The following BICC1 variants were observed in gnomAD, a reference collection of about 807,000 sequenced individuals.
BICC1 encodes the protein protein bicaudal C homolog 1.
A neutral mutation model predicts 111.0 loss-of-function variants in BICC1; 43 were observed. The ratio of observed to expected loss-of-function variants is 0.39; its 90% CI spans 0.30 to 0.50. The LOEUF is 0.50. Ranked by LOEUF, BICC1 falls within the 20% of genes least tolerant of loss-of-function variation. The probability of loss-of-function intolerance (pLI) is 0.88; values close to 1 mark genes in which losing one functional copy is unlikely to be tolerated. For missense variants in BICC1, 1,091 were observed against 1,203.2 expected, an observed-to-expected ratio of 0.91 and a Z score of 1.38; for synonymous variants, 467 against 434.4, an observed-to-expected ratio of 1.07 and a Z score of -0.93.
chr10:58,595,746 C>T (rs1299729002), intron 1 of BICC1, among the ~76,000 whole-genome samples: 1 of 151,880 alleles, frequency 6.6e-6, no homozygotes, highest in African/African-American at 2.4e-5. Context: ...AGCACTATGG[C>T]CACAGGAGAA....
At chr10:58,824,062 T>C in intron 20 of BICC1, 1 of 984,380 alleles carries the variant, frequency 1.0e-6, no homozygotes, top group Non-Finnish European at 1.2e-6. Context: ...AAATTTGGCA[T>C]GTTAAAATAG....
chr10:58,632,390 G>A (rs1325196719), intron 2 of BICC1, among the ~76,000 whole-genome samples: 1 of 152,164 alleles, frequency 6.6e-6, no homozygotes, highest in African/African-American at 2.4e-5. Flanking sequence ...CTACAGAGGG[G>A]GAAGGGTGGC....
chr10:58,648,253 G>A (rs1215642089), intron 2 of BICC1, among the ~76,000 whole-genome samples: 1 of 152,168 alleles, frequency 6.6e-6, no homozygotes, highest in Non-Finnish European at 1.5e-5. Context: ...AGCTGTAGAT[G>A]CTGTTATATA....
At chr10:58,575,400 G>A (rs1450580632) in intron 1 of BICC1, among the ~76,000 whole-genome samples, 2 of 152,102 alleles carry the variant, frequency 1.3e-5, no homozygotes, top group East Asian at 3.9e-4. Context: ...TGCCAGCCCT[G>A]AGAAGTCATT....
At chr10:58,692,176 AAG>A (rs142123414) in intron 2 of BICC1, among the ~76,000 whole-genome samples, 6 of 146,120 alleles carry the variant, frequency 4.1e-5, no homozygotes, top group South Asian at 4.2e-4. Flanking sequence ...GAGAGAGAGA[AAG>A]AGAGAGAGAG....
chr10:58,642,830 G>C (rs1217754968), intron 2 of BICC1, among the ~76,000 whole-genome samples: 1 of 151,978 alleles, frequency 6.6e-6, no homozygotes, highest in Non-Finnish European at 1.5e-5. Context: ...TCAGCCTCCT[G>C]AGTAGCTGGG....
At chr10:58,797,811 CA>C (rs1428961992) in intron 10 of BICC1, among the ~76,000 whole-genome samples, 1 of 151,870 alleles carries the variant, frequency 6.6e-6, no homozygotes, top group East Asian at 1.9e-4. Context: ...CTTAGAACAA[CA>C]ACAACAACAA....
At chr10:58,793,689 A>T in intron 9 of BICC1, 74 bp downstream of exon 9, 2 of 1,486,908 alleles carry the variant, frequency 1.3e-6, no homozygotes, top group Non-Finnish European at 1.8e-6. Flanking sequence ...GCATAGAAGT[A>T]TTTATTTGCA....
intron 3 of BICC1, among the ~76,000 whole-genome samples, chr10:58,740,365 G>A (rs976730042): frequency 1.3e-5 from 2 of 152,172 alleles, no homozygotes; most frequent in African/African-American, 4.8e-5. Flanking sequence ...AGAGTCTTAA[G>A]GTTTTGTGCT....
intron 1 of BICC1, among the ~76,000 whole-genome samples, chr10:58,553,152 C>A (rs1272448332): frequency 6.6e-6 from 1 of 152,094 alleles, no homozygotes; most frequent in Non-Finnish European, 1.5e-5. Flanking sequence ...AGACAGACCT[C>A]CCAAAGATGT....
chr10:58,817,662 C>A lies in BICC1; in HGVS notation c.2634C>A (p.Leu878=). The A allele has an allele frequency of 6.2e-7, 1 of 1,613,472 alleles. No homozygotes were observed. Among genetic ancestry groups the A allele is most frequent in the East Asian group, 2.2e-5 (1 of 44,828 alleles). The part of the protein sequence containing the change: ...NLNSSFKGSD[L]PELFSKLGLG... ...ATAGCTCTTTCAAAGGTTCTGACCT[C>A]CCTGAGCTCTTCAGCAAACTGGGCC... The change falls in exon 19 of 21, where the codon CTC becomes CTA. Residue 878 remains leucine, a synonymous_variant. Transcript: ENST00000373886.
At chr10:58,786,747 T>G (rs1357202137) in intron 4 of BICC1, among the ~76,000 whole-genome samples, 176 bp from the exon 5 acceptor site, 2 of 152,248 alleles carry the variant, frequency 1.3e-5, no homozygotes, top group Non-Finnish European at 2.9e-5. Context: ...TTTCTTTTTT[T>G]ATAATCAGAG....
chr10:58,800,319 C>T lies in BICC1; in HGVS notation c.1851C>T (p.Pro617=). 6.2e-7 allele frequency: 1 copy of T among 1,613,406 alleles called. No homozygotes were observed. Among genetic ancestry groups the T allele is most frequent in the Non-Finnish European group, 8.5e-7 (1 of 1,179,686 alleles). Residue 617 remains proline, a synonymous_variant, in exon 13 of 21, where the codon CCC becomes CCT. Coordinates refer to ENST00000373886, the MANE Select transcript of BICC1 (RefSeq NM_001080512.3). Reference sequence around the variant, plus strand: ...AGCAGACATCTCCCAAATCAAGCCCCACTGAAGGTCGGGAACTGTACCCTT... The same window carrying T: ...AGCAGACATCTCCCAAATCAAGCCCTACTGAAGGTCGGGAACTGTACCCTT... ...GSEQTSPKSS[P]TEGCNDAFVE... is the part of the protein sequence containing the mutation.
At chr10:58,796,575 G>T (rs1843361374) in intron 10 of BICC1, 49 bp downstream of exon 10, 5 of 1,522,540 alleles carry the variant, frequency 3.3e-6, no homozygotes, top group Non-Finnish European at 4.4e-6. Flanking sequence ...GGAAATGCTT[G>T]TCTGGTTCCC....
chr10:58,781,976 T>C (rs1053621643), intron 3 of BICC1, among the ~76,000 whole-genome samples: 6 of 152,204 alleles, frequency 3.9e-5, no homozygotes, highest in African/African-American at 1.4e-4. Context: ...AAAGCACTGA[T>C]TCAGACCCTG....
chr10:58,796,719 A>C (rs1843366266), intron 10 of BICC1, among the ~76,000 whole-genome samples, 193 bp downstream of exon 10: 1 of 151,928 alleles, frequency 6.6e-6, no homozygotes, highest in Non-Finnish European at 1.5e-5. Flanking sequence ...TGTTACCCAG[A>C]TTCTTCCCAT....
At chr10:58,716,480 A>AT (rs1564571238) in intron 3 of BICC1, among the ~76,000 whole-genome samples, 1 of 152,022 alleles carries the variant, frequency 6.6e-6, no homozygotes, top group African/African-American at 2.4e-5. Flanking sequence ...TTGAACATCT[A>AT]TTTTTTTCTC....
rs1425203506 is a variant in BICC1, at chr10:58,732,730, G to A, written c.307+30587G>A. On this transcript the variant is annotated intron_variant, in intron 3 of 20. Transcript: ENST00000373886. ...CAGGAGGTCGAGGCTGCAGTGAGCT[G>A]TATTTTGCACCACTGCATTCCAGCC... Among the ~76,000 whole-genome samples the A allele has an allele frequency of 2.6e-5, 4 of 152,044 alleles. No individual in the cohort carries two copies. In the South Asian group the frequency reaches 8.3e-4, roughly 32 times the overall value.
At chr10:58,544,088 A>G (rs1332480051) in intron 1 of BICC1, among the ~76,000 whole-genome samples, 2 of 152,086 alleles carry the variant, frequency 1.3e-5, no homozygotes, top group African/African-American at 2.4e-5. Context: ...AACCTGAACC[A>G]TGAGTATTTC....
Sources: gnomAD v4.1 joint callset for allele counts (sites outside exome capture counted in the v4.1 genomes callset) on GRCh38, gnomAD v4.1.1 for gene constraint, MANE v1.5 for transcripts, NCBI Gene and HGNC (gene_info 2026-07-23, HGNC 2026-07-21) for gene names.